Variants in ASMTL observed in about 807,000 individuals in gnomAD.
The protein encoded by ASMTL is acetylserotonin O-methyltransferase like.
ASMTL carries 57 observed loss-of-function variants against 60.3 expected under a neutral mutation model. The observed-to-expected ratio is 0.95, with a 90% CI of 0.76 to 1.18. The LOEUF (loss-of-function observed/expected upper bound fraction) is 1.18. ASMTL is among the 50% of genes most tolerant of loss of function. The pLI, the probability that ASMTL is intolerant of heterozygous loss-of-function variation, is 0.00. For missense variants in ASMTL, 981 were observed against 852.6 expected (o/e 1.15, Z -1.88); for synonymous variants, 419 against 373.0 (o/e 1.12, Z -1.42).
intron 1 of ASMTL, among the ~76,000 whole-genome samples, chrX:1,450,251 A>G (rs1454743221): frequency 4.6e-5 from 7 of 152,050 alleles, no homozygotes; most frequent in Middle Eastern, 3.4e-3. Flanking sequence ...AGAGAGGCAG[A>G]CACCCACTAC....
rs753739141 is a variant in ASMTL, at chrX:1,433,628, C to A, written c.401-1251G>T. Among the ~76,000 whole-genome samples the A allele has an allele frequency of 2.6e-5, 4 of 151,232 alleles. No individual in the cohort carries two copies. The East Asian group carries it at 7.8e-4, about 29-fold the overall frequency. On this transcript the variant is annotated intron_variant, in intron 5 of 12. Coordinates refer to ENST00000381317, the MANE Select transcript of ASMTL (RefSeq NM_004192.4). ...CCGGGAGGCGGAGCTTGCAGTGAGC[C>A]GAGATGGCGCAAGTGCACTCTAGCC...
At position 1,423,531 on chromosome X, in the gene ASMTL, G is replaced by A. The variant is rs187228964; in HGVS notation, c.1061-1689C>T. 2.0e-3 allele frequency among the ~76,000 whole-genome samples: 306 copies of A among 152,054 alleles called. 4 individuals carry two copies. Among genetic ancestry groups the A allele is most frequent in the African/African-American group, 7.1e-3 (295 of 41,474 alleles). On this transcript the variant is annotated intron_variant, in intron 8 of 12. Coordinates refer to ENST00000381317, the MANE Select transcript of ASMTL (RefSeq NM_004192.4). ...TTCTGTTCAATTCAGAAAACACATTGTCATCCATCCATCCATCCACCCACT... is the reference window on the plus strand; with the variant it reads ...TTCTGTTCAATTCAGAAAACACATTATCATCCATCCATCCATCCACCCACT...
chrX:1,432,159 C>T (rs1214492214), intron 6 of ASMTL, 110 bp downstream of exon 6: 1 of 873,876 alleles, frequency 1.1e-6, no homozygotes, highest in East Asian at 2.6e-5. Context: ...CCACACGGCC[C>T]CCGGAGCGGG....
chrX:1,416,495 A>C (rs1324279823), intron 11 of ASMTL, among the ~76,000 whole-genome samples: 1 of 151,656 alleles, frequency 6.6e-6, no homozygotes, highest in Non-Finnish European at 1.5e-5. Context: ...ATACAGCGAC[A>C]GGCACACACA....
At chrX:1,419,744 G>A (rs1195766058) in intron 9 of ASMTL, among the ~76,000 whole-genome samples, 6 of 152,178 alleles carry the variant, frequency 3.9e-5, no homozygotes, top group East Asian at 1.9e-4. Context: ...CAGGACAGCC[G>A]GTCTCCATCC....
At chrX:1,421,448 GA>G (rs1438023538) in intron 9 of ASMTL, among the ~76,000 whole-genome samples, 1 of 152,094 alleles carries the variant, frequency 6.6e-6, no homozygotes, top group East Asian at 1.9e-4. Flanking sequence ...TCAGCTGCTG[GA>G]TAACAGTGGA....
chrX:1,439,087 C>A lies in ASMTL; in HGVS notation c.273+10G>T, dbSNP rs369261994. The A allele has an allele frequency of 2.5e-6, 4 of 1,613,792 alleles. No individual in the cohort carries two copies. In the East Asian group the frequency reaches 8.9e-5, roughly 36 times the overall value. On this transcript the variant is annotated intron_variant, in intron 3 of 12. Coordinates refer to ENST00000381317, the MANE Select transcript of ASMTL (RefSeq NM_004192.4). ...GGACATTAGAAACGAGGCACCCTGG[C>A]CGCACTCACCACGATCGTGTCCGCT...
rs1323910088 is a variant in ASMTL, at chrX:1,449,844, T to TG, written c.93+2903_93+2904insC. 9.1e-4 allele frequency among the ~76,000 whole-genome samples: 113 copies of TG among 124,446 alleles called. 1 individual carries two copies. Among genetic ancestry groups the TG allele is most frequent in the African/African-American group, 4.0e-3 (113 of 28,332 alleles). 81.6% of individuals were successfully genotyped at this position (124,446 alleles called of 152,430 possible). ...ACTATCCTCCCATCACCAGTAACTA[T>TG]CCCCACATCACCAGTAACTACCCCC... is the stretch of plus-strand genomic sequence containing the variant. On this transcript the variant is annotated intron_variant, in intron 1 of 12. Transcript: ENST00000381317.
chrX:1,443,048 C>T (rs758251639), intron 1 of ASMTL, among the ~76,000 whole-genome samples: 2 of 92,626 alleles, frequency 2.2e-5, no homozygotes, highest in African/African-American at 2.9e-5. Flanking sequence ...GGACGCATAC[C>T]ACCATCGTGG....
intron 7 of ASMTL, among the ~76,000 whole-genome samples, chrX:1,426,601 C>A (rs750787181): frequency 6.6e-6 from 1 of 152,242 alleles, no homozygotes; most frequent in South Asian, 2.1e-4. Flanking sequence ...GCCTGTAATC[C>A]CAGCACTTTA....
At chrX:1,438,409 T>C (rs1220596095) in intron 3 of ASMTL, among the ~76,000 whole-genome samples, 1 of 152,182 alleles carries the variant, frequency 6.6e-6, no homozygotes, top group African/African-American at 2.4e-5. Flanking sequence ...GCCAACAGCC[T>C]CTAGGAGCTG....
intron 9 of ASMTL, among the ~76,000 whole-genome samples, chrX:1,420,029 C>T (rs1465781171): frequency 3.9e-5 from 1 of 25,614 alleles, no homozygotes; most frequent in Admixed American, 9.3e-4. Flanking sequence ...TTCTATCTCC[C>T]TCTGTCTCTG....
At chrX:1,440,353 G>A (rs1469273104) in intron 2 of ASMTL, among the ~76,000 whole-genome samples, 7 of 152,050 alleles carry the variant, frequency 4.6e-5, no homozygotes, top group Non-Finnish European at 7.4e-5. Flanking sequence ...GCCTCCCAAA[G>A]TGCTGGGATG....
chrX:1,419,243 G>C (rs756890245), intron 9 of ASMTL, 129 bp from the exon 10 acceptor site: 1 of 1,078,038 alleles, frequency 9.3e-7, no homozygotes, highest in Non-Finnish European at 1.3e-6. Flanking sequence ...CTGGGCTGCA[G>C]AGCGGGCTTC....
intron 5 of ASMTL, among the ~76,000 whole-genome samples, chrX:1,433,428 G>A (rs1391757392): frequency 4.6e-5 from 7 of 150,740 alleles, no homozygotes; most frequent in African/African-American, 1.7e-4. Flanking sequence ...CACTTTGGGA[G>A]GCCGAGGCGG....
chrX:1,403,733 C>T, intron 12 of ASMTL: 1 of 597,462 alleles, frequency 1.7e-6, no homozygotes, highest in Admixed American at 3.0e-5. Flanking sequence ...TCACCTGGGC[C>T]TTTTCCGGTT....
At position 1,415,044 on chromosome X, in the gene ASMTL, G is replaced by A. The variant is rs1197005943; in HGVS notation, c.1523-2190C>T. Among the ~76,000 whole-genome samples the A allele has an allele frequency of 8.6e-5, 10 of 116,728 alleles. No homozygotes were observed. The Admixed American group carries it at 1.0e-3, about 12-fold the overall frequency. The allele number at this position is 116,728 out of a possible 152,430, so 76.6% of individuals were successfully genotyped here. On this transcript the variant is annotated intron_variant, in intron 11 of 12. Transcript: ENST00000381317. Reference sequence around the variant, plus strand: ...CAAGCTCCGCCTCCCGGGTTCAAGCGATTCTCCTGCCTCAGCCTCCTGAAT... The same window carrying A: ...CAAGCTCCGCCTCCCGGGTTCAAGCAATTCTCCTGCCTCAGCCTCCTGAAT...
intron 9 of ASMTL, among the ~76,000 whole-genome samples, chrX:1,420,317 GTC>G (rs1238047823): frequency 4.3e-5 from 6 of 139,746 alleles, no homozygotes; most frequent in Non-Finnish European, 8.2e-5. Context: ...CTATCTCCCT[GTC>G]TCTGTCTGCC....
chrX:1,431,938 A>G (rs1253832072), intron 6 of ASMTL: 11 of 335,968 alleles, frequency 3.3e-5, no homozygotes, highest in Non-Finnish European at 5.5e-5. Flanking sequence ...TGTTAATTGC[A>G]GCCAGCGTCC....
Sources: allele counts gnomAD v4.1 joint callset (sites outside exome capture counted in the v4.1 genomes callset), GRCh38; gene constraint gnomAD v4.1.1; transcripts MANE v1.5; gene names NCBI Gene and HGNC (gene_info 2026-07-23, HGNC 2026-07-21).